Variants in CELF2 observed in about 807,000 individuals in gnomAD.
The protein encoded by CELF2 is CUG triplet repeat RNA-binding protein 2.
In CELF2, 8 loss-of-function variants were observed where a neutral mutation model predicts 62.6. The observed-to-expected ratio is 0.13, with a 90% confidence interval of 0.07 to 0.23. The LOEUF is 0.23. Ranked by LOEUF, CELF2 falls within the 10% of genes least tolerant of loss-of-function variation. The pLI is 1.00. For synonymous variants in CELF2, 258 were observed against 250.0 expected (o/e 1.03, Z -0.30); for missense variants, 333 against 671.0 (o/e 0.50, Z 5.56).
the CELF2 span, among the ~76,000 whole-genome samples, chr10:10,620,196 G>T: frequency 6.6e-6 from 1 of 152,188 alleles, no homozygotes; most frequent in Non-Finnish European, 1.5e-5. Context: ...TTGGAATATA[G>T]CCATACTTAT....
chr10:10,963,059 G>A (rs1214432569), intron 2 of CELF2, among the ~76,000 whole-genome samples: 2 of 147,850 alleles, frequency 1.4e-5, no homozygotes, highest in African/African-American at 5.1e-5. Context: ...GTTTTGTTTT[G>A]TGATGCAGTC....
intron 1 of CELF2, among the ~76,000 whole-genome samples, chr10:10,854,142 T>G (rs927089723): frequency 6.6e-6 from 1 of 152,204 alleles, no homozygotes; most frequent in Non-Finnish European, 1.5e-5. Flanking sequence ...TAAATATGAA[T>G]ATCAGATATG....
In CELF2 at chr10:10,877,185, T is replaced by C. The variant is rs539245106; in HGVS notation, c.54-42779T>C. ...CTTCAACTTAATCATCAGGGCAGTATGACTGACAATTTCTTGTGTGAACCC... is the reference window on the plus strand; with the variant it reads ...CTTCAACTTAATCATCAGGGCAGTACGACTGACAATTTCTTGTGTGAACCC... On this transcript the variant is annotated intron_variant, in intron 1 of 13. Coordinates refer to the CELF2 transcript ENST00000636488. 2.6e-5 allele frequency among the ~76,000 whole-genome samples: 4 copies of C among 152,374 alleles called. No homozygotes were observed. In the East Asian group the frequency reaches 7.7e-4, roughly 29 times the overall value.
At chr10:10,724,118 C>T in the CELF2 span, among the ~76,000 whole-genome samples, 4 of 152,162 alleles carry the variant, frequency 2.6e-5, no homozygotes, top group African/African-American at 9.7e-5. Context: ...TGTAAATCAC[C>T]TCATCTCTGC....
rs543267907 is a variant in CELF2 at position 10,990,940 on chromosome 10, C to G, written c.89+70941C>G. 2.3e-3 allele frequency among the ~76,000 whole-genome samples: 345 copies of G among 152,046 alleles called. 2 individuals are homozygous for G. Among genetic ancestry groups the G allele is most frequent in the African/African-American group, 8.1e-3 (334 of 41,460 alleles). Reference sequence around the variant, plus strand: ...AATGAAAATGAAATGCATTCCAGTGCTTACAGCATCTTTTTGAGGTTCTTT... The same window carrying G: ...AATGAAAATGAAATGCATTCCAGTGGTTACAGCATCTTTTTGAGGTTCTTT... On this transcript the variant is annotated intron_variant, in intron 2 of 13. Transcript: ENST00000636488. The surrounding 1 kb of genome is among the most constrained non-coding windows in gnomAD (Gnocchi z 4.6).
At chr10:11,274,701 G>C (rs2085299509) in intron 7 of CELF2, among the ~76,000 whole-genome samples, 2 of 152,212 alleles carry the variant, frequency 1.3e-5, no homozygotes, top group Non-Finnish European at 1.5e-5. Flanking sequence ...AGAAGAGAGG[G>C]AGGGAATGGA....
rs535056751 is a variant in CELF2 at position 10,905,694 on chromosome 10, G to A, written c.54-14270G>A. On this transcript the variant is annotated intron_variant, in intron 1 of 13. Transcript: ENST00000636488. ...AGATCGAGACCATCCTGGCTAACAC[G>A]GTGGAACCCTGTCTCTACTAAAAAT... 1.1e-4 allele frequency among the ~76,000 whole-genome samples: 17 copies of A among 152,046 alleles called. No homozygotes were observed. The Middle Eastern group carries it at 0.014, about 122-fold the overall frequency.
intron 1 of CELF2, among the ~76,000 whole-genome samples, chr10:11,079,506 C>T (rs199749157): frequency 1.3e-5 from 2 of 152,104 alleles, no homozygotes; most frequent in African/African-American, 4.8e-5. Flanking sequence ...GGATTTTCCC[C>T]ATGCTGTTGT....
At chr10:11,121,439 C>T (rs1453939261) in intron 1 of CELF2, among the ~76,000 whole-genome samples, 1 of 152,184 alleles carries the variant, frequency 6.6e-6, no homozygotes, top group Non-Finnish European at 1.5e-5. Context: ...TCCTCTCTCC[C>T]TCTGTCCTTG....
At chr10:10,881,584 A>G (rs1322738695) in intron 1 of CELF2, among the ~76,000 whole-genome samples, 1 of 152,106 alleles carries the variant, frequency 6.6e-6, no homozygotes, top group African/African-American at 2.4e-5. Context: ...TCCTTTCTTT[A>G]TTTTTAAGAA....
At chr10:10,729,302 G>A in the CELF2 span, among the ~76,000 whole-genome samples, 613 of 152,226 alleles carry the variant, frequency 4.0e-3, 6 homozygotes, top group African/African-American at 0.014. Context: ...AACAAAGTAC[G>A]TTAGTCATGG....
In CELF2 at chr10:11,117,918, C is replaced by T. The variant is rs189725990; in HGVS notation, c.75-47568C>T. ...ATCCTTTTATACATTTTTTATAAGGCAGAATGCTTTGAATGCATTCTGCCT... is the reference window on the plus strand; with the variant it reads ...ATCCTTTTATACATTTTTTATAAGGTAGAATGCTTTGAATGCATTCTGCCT... On this transcript the variant is annotated intron_variant, in intron 1 of 12. Transcript: ENST00000633077. The surrounding 1 kb of genome is among the most constrained non-coding windows in gnomAD (Gnocchi z 4.1). 3.3e-4 allele frequency among the ~76,000 whole-genome samples: 50 copies of T among 152,222 alleles called. No homozygotes were observed. The highest frequency in any genetic ancestry group is 1.2e-3 in the African/African-American group (49 of 41,542).
intron 1 of CELF2, among the ~76,000 whole-genome samples, chr10:11,072,067 G>A (rs2070222969): frequency 6.6e-6 from 1 of 152,156 alleles, no homozygotes; most frequent in African/African-American, 2.4e-5. Context: ...TGGTCAAGTG[G>A]TCCAAGATGT....
At chr10:10,620,645 G>A in the CELF2 span, among the ~76,000 whole-genome samples, 1 of 152,098 alleles carries the variant, frequency 6.6e-6, no homozygotes, top group Admixed American at 6.6e-5. Flanking sequence ...GCTCAGGCCT[G>A]TTATCCCAGC....
chr10:10,571,420 A>G, the CELF2 span, among the ~76,000 whole-genome samples: 3 of 152,232 alleles, frequency 2.0e-5, no homozygotes, highest in Admixed American at 6.5e-5. Flanking sequence ...AGTGCATCCA[A>G]TCGCCCAAAT....
At chr10:10,892,607 ATTG>A (rs1239563325) in intron 1 of CELF2, among the ~76,000 whole-genome samples, 4 of 152,190 alleles carry the variant, frequency 2.6e-5, no homozygotes, top group African/African-American at 9.6e-5. Flanking sequence ...TGGAGCTTTC[ATTG>A]TTGTTATTTG....
intron 1 of CELF2, among the ~76,000 whole-genome samples, chr10:10,905,727 A>T (rs952826730): frequency 7.2e-5 from 11 of 152,138 alleles, no homozygotes; most frequent in African/African-American, 2.2e-4. Flanking sequence ...AATACAAAAA[A>T]ATTAGCCAGG....
the CELF2 span, among the ~76,000 whole-genome samples, chr10:10,601,470 T>TAA: frequency 6.6e-6 from 1 of 152,158 alleles, no homozygotes; most frequent in African/African-American, 2.4e-5. Context: ...AAAACATGGT[T>TAA]AAGTGGAAAA....
At chr10:11,049,089 T>C (rs1025843493) in intron 1 of CELF2, among the ~76,000 whole-genome samples, 7 of 151,282 alleles carry the variant, frequency 4.6e-5, no homozygotes, top group African/African-American at 1.7e-4. Context: ...GTTTTCTGCA[T>C]GTTCTTATGT....
Sources: allele counts gnomAD v4.1 joint callset (sites outside exome capture counted in the v4.1 genomes callset), GRCh38; gene constraint gnomAD v4.1.1; non-coding constraint Gnocchi (gnomAD v3.1); transcripts MANE v1.5; gene names NCBI Gene and HGNC (gene_info 2026-07-23, HGNC 2026-07-21).